MAST1: variants seen among roughly 807,000 people sequenced by gnomAD.
MAST1 encodes the protein microtubule-associated serine/threonine-protein kinase 1.
MAST1 carries 40 observed loss-of-function variants against 124.6 expected under a neutral mutation model. The observed-to-expected ratio is 0.32, with a 90% confidence interval of 0.25 to 0.42. The LOEUF (loss-of-function observed/expected upper bound fraction) is 0.42. Ranked by LOEUF, MAST1 falls within the 10% of genes least tolerant of loss-of-function variation. The pLI is 1.00. For missense variants in MAST1, 1,558 were observed against 2,181.9 expected (o/e 0.71, Z 5.70); for synonymous variants, 938 against 939.4 (o/e 1.00, Z 0.03).
chr19:12,852,531 A>C, intron 10 of MAST1, 136 bp downstream of exon 10: 1 of 807,634 alleles, frequency 1.2e-6, no homozygotes, highest in Non-Finnish European at 2.0e-6. Flanking sequence ...CCATCCATAA[A>C]ATGGGATTAA....
At position 12,841,432 on chromosome 19, in the gene MAST1, TC is replaced by T. The variant is rs1969826713; in HGVS notation, c.248+367del. Among the ~76,000 whole-genome samples the T allele has an allele frequency of 6.6e-6, 1 of 152,236 alleles. No homozygotes were observed. Among genetic ancestry groups the T allele is most frequent in the Non-Finnish European group, 1.5e-5 (1 of 68,040 alleles). The stretch of plus-strand genomic sequence containing the variant: ...GCAAGCGCAGATTGCGCGATGCCTA[TC>T]GAGGGACTCTTGGTCCCCGAGGTGG... On this transcript the variant is annotated intron_variant, in intron 3 of 25. Transcript: ENST00000251472. This position sits in a 1 kb window ranked among gnomAD's most constrained non-coding sequence, Gnocchi z 4.3.
At chr19:12,862,539 C>T (rs185394759) in intron 12 of MAST1, among the ~76,000 whole-genome samples, 66 of 152,234 alleles carry the variant, frequency 4.3e-4, no homozygotes, top group African/African-American at 1.3e-3. Flanking sequence ...TAGTAGCTTA[C>T]GACTGTAATC....
intron 8 of MAST1, 28 bp from the exon 9 acceptor site, chr19:12,852,087 T>C (rs751948053): frequency 6.2e-7 from 1 of 1,613,502 alleles, no homozygotes. Context: ...TGGGAGCCTG[T>C]GGTGAGCCCA....
At chr19:12,871,824 G>C (rs1599592726) in intron 24 of MAST1, among the ~76,000 whole-genome samples, 1 of 150,876 alleles carries the variant, frequency 6.6e-6, no homozygotes, top group African/African-American at 2.4e-5. Flanking sequence ...GCTGAAGTGG[G>C]AGGATTGCTT....
intron 12 of MAST1, among the ~76,000 whole-genome samples, chr19:12,863,056 C>T (rs1262512686): frequency 7.0e-6 from 1 of 142,912 alleles, no homozygotes; most frequent in African/African-American, 2.6e-5. Flanking sequence ...GGCTGAGGAA[C>T]AAGAATCTCT....
Position 12,847,742 on chromosome 19 carries a change from C to T in MAST1, c.564+55C>T. The T allele has an allele frequency of 6.3e-7, 1 of 1,594,678 alleles. No individual in the cohort carries two copies. Among genetic ancestry groups the T allele is most frequent in the South Asian group, 1.1e-5 (1 of 90,438 alleles). ...TGACCAGGCGGCCTGCACTCTCGCTCGCCTTATCCCCGCGCGCCCCCTGGC... is the reference window on the plus strand; with the variant it reads ...TGACCAGGCGGCCTGCACTCTCGCTTGCCTTATCCCCGCGCGCCCCCTGGC... On this transcript the variant is annotated intron_variant, in intron 6 of 25. Transcript: ENST00000251472. This position sits in a 1 kb window ranked among gnomAD's most constrained non-coding sequence, Gnocchi z 5.5.
Position 12,865,109 on chromosome 19 carries a change from C to G in MAST1, c.1569C>G (p.Leu523=). 6.2e-7 allele frequency: 1 copy of G among 1,614,128 alleles called. No individual in the cohort carries two copies. Among genetic ancestry groups the G allele is most frequent in the Non-Finnish European group, 8.5e-7 (1 of 1,180,016 alleles). Residue 523 remains leucine, a synonymous_variant, in exon 14 of 26, where the codon CTC becomes CTG. Coordinates refer to ENST00000251472, the MANE Select transcript of MAST1 (RefSeq NM_014975.3). The surrounding 1 kb of genome is among the most constrained non-coding windows in gnomAD (Gnocchi z 7.1). The stretch of plus-strand genomic sequence containing the variant: ...ATTTCGGCCTCTCCAAGATGGGGCT[C>G]ATGAGCCTCACCACCAACTTATATG... ...LTDFGLSKMG[L]MSLTTNLYEG... is the part of the protein sequence containing the mutation.
At position 12,867,802 on chromosome 19, in the gene MAST1, T is replaced by C. The variant is rs749045964; in HGVS notation, c.2391T>C (p.Arg797=). Residue 797 remains arginine, a synonymous_variant, in exon 20 of 26, where the codon CGT becomes CGC. Coordinates refer to ENST00000251472, the MANE Select transcript of MAST1 (RefSeq NM_014975.3). ...GTCCCCCTTTGGGCGCCCGCCGCCG[T>C]TTCTCGGCGCTGCTGGAGCCCAGCC... ...EASPPLGARR[R]FSALLEPSRF... The C allele has an allele frequency of 3.8e-6, 6 of 1,576,484 alleles. No homozygotes were observed. The highest frequency in any genetic ancestry group is 5.2e-6 in the Non-Finnish European group (6 of 1,162,818).
intron 21 of MAST1, 47 bp from the exon 22 acceptor site, chr19:12,869,018 TG>T (rs777517006): frequency 1.3e-4 from 214 of 1,587,940 alleles, no homozygotes; most frequent in Non-Finnish European, 1.8e-4. Context: ...TACAGGGAGA[TG>T]TCTATCTTCT....
intron 1 of MAST1, 95 bp from the exon 2 acceptor site, chr19:12,840,351 T>C: frequency 1.3e-6 from 1 of 775,724 alleles, no homozygotes; most frequent in Non-Finnish European, 2.2e-6. Context: ...GGATGGGAGA[T>C]AGGCGGGGAT....
chr19:12,838,902 T>C lies in MAST1; in HGVS notation c.83+247T>C, dbSNP rs1969793034. Among the ~76,000 whole-genome samples the C allele has an allele frequency of 1.3e-5, 2 of 151,694 alleles. No homozygotes were observed. Among genetic ancestry groups the C allele is most frequent in the South Asian group, 2.1e-4 (1 of 4,800 alleles). The stretch of plus-strand genomic sequence containing the variant: ...GCGCCACTGGGGGTTTGTGGCGCCT[T>C]TGTCTGCTGGCGCTGCGGGCTCCAA... On this transcript the variant is annotated intron_variant, in intron 1 of 25. Coordinates refer to ENST00000251472, the MANE Select transcript of MAST1 (RefSeq NM_014975.3). The surrounding 1 kb of genome is among the most constrained non-coding windows in gnomAD (Gnocchi z 4.3).
rs372440287 is a variant in MAST1, at chr19:12,871,021, G to A, written c.3127-15G>A. ...GCAGCCCCTAGCAGAGCATTTTCCC[G>A]CATTCTTCCCCCAGAGTGGCAACAA... On this transcript the variant is annotated splice_polypyrimidine_tract_variant and intron_variant, in intron 23 of 25. Coordinates refer to ENST00000251472, the MANE Select transcript of MAST1 (RefSeq NM_014975.3). The A allele has an allele frequency of 4.3e-6, 7 of 1,614,054 alleles. No individual in the cohort carries two copies. Among genetic ancestry groups the A allele is most frequent in the Middle Eastern group, 1.6e-4 (1 of 6,062 alleles).
intron 3 of MAST1, among the ~76,000 whole-genome samples, chr19:12,842,857 T>C (rs568609833): frequency 6.6e-6 from 1 of 152,256 alleles, no homozygotes; most frequent in African/African-American, 2.4e-5. Context: ...CATGTGTCTA[T>C]AGGTGAGTGC....
chr19:12,868,074 C>A, intron 20 of MAST1, 97 bp downstream of exon 20: 11 of 1,113,938 alleles, frequency 9.9e-6, no homozygotes, highest in South Asian at 2.1e-5. Context: ...TATGAAAGAT[C>A]TCAGGTCCTA....
At position 12,858,454 on chromosome 19, in the gene MAST1, G is replaced by T. The variant is rs1338689006; in HGVS notation, c.1157+13G>T. On this transcript the variant is annotated intron_variant, in intron 11 of 25. Transcript: ENST00000251472. ...ACGGTGCCTACGGGTGAGCCACCCG[G>T]GGCTCTGGCGGGGGGAGGGTGGCGG... The T allele has an allele frequency of 6.2e-7, 1 of 1,613,142 alleles. No homozygotes were observed. The highest frequency in any genetic ancestry group is 1.1e-5 in the South Asian group (1 of 91,066).
intron 3 of MAST1, among the ~76,000 whole-genome samples, chr19:12,842,345 T>C (rs1969841245): frequency 6.6e-6 from 1 of 151,600 alleles, no homozygotes; most frequent in Admixed American, 6.6e-5. Flanking sequence ...CAGGCTGGAG[T>C]GCAATGGCGG....
At chr19:12,862,947 G>A (rs991294144) in intron 12 of MAST1, among the ~76,000 whole-genome samples, 4 of 151,618 alleles carry the variant, frequency 2.6e-5, no homozygotes, top group African/African-American at 7.3e-5. Flanking sequence ...GATTACAGGC[G>A]TGAGCCACTG....
At chr19:12,852,451 G>A (rs1969973999) in intron 10 of MAST1, 56 bp downstream of exon 10, 1 of 1,474,630 alleles carries the variant, frequency 6.8e-7, no homozygotes, top group Non-Finnish European at 9.5e-7. Context: ...GCAGGGTGGG[G>A]CTCATCTCCG....
In MAST1 at chr19:12,873,619, C is replaced by G. The variant is rs1427484319; in HGVS notation, c.3462C>G (p.Ser1154=). The change falls in exon 26 of 26, where the codon TCC becomes TCG. Residue 1154 remains serine, a synonymous_variant. Transcript: ENST00000251472. ...TCCTGTCTCCCGCAGGCGCCTCATC[C>G]CAGAGCAGCTCCCCAGCCTCGAGCA... is the stretch of plus-strand genomic sequence containing the variant. ...TPDSAYLGAS[S]QSSSPASSTP... is the part of the protein sequence containing the mutation. 1 of 1,587,606 alleles carries G rather than the reference C, an allele frequency of 6.3e-7. No individual in the cohort carries two copies. The highest frequency in any genetic ancestry group is 2.2e-5 in the East Asian group (1 of 44,496).
Sources: allele counts gnomAD v4.1 joint callset (sites outside exome capture counted in the v4.1 genomes callset), GRCh38; gene constraint gnomAD v4.1.1; non-coding constraint Gnocchi (gnomAD v3.1); transcripts MANE v1.5; gene names NCBI Gene and HGNC (gene_info 2026-07-23, HGNC 2026-07-21).